The following GRIA4 variants were observed in gnomAD, a reference collection of about 807,000 sequenced individuals.
GRIA4 encodes glutamate receptor 4.
Under a neutral mutation model 104.0 loss-of-function variants are expected in GRIA4, and 34 were observed. The ratio of observed to expected loss-of-function variants is 0.33; its 90% CI spans 0.25 to 0.44. The LOEUF (loss-of-function observed/expected upper bound fraction) is 0.44. GRIA4 is among the 20% of genes least tolerant of loss of function. The pLI is 1.00. For synonymous variants in GRIA4, 386 were observed against 381.9 expected, an observed-to-expected ratio of 1.01 and a Z score of -0.13; for missense variants, 750 against 1,096.5, an observed-to-expected ratio of 0.68 and a Z score of 4.46.
chr11:105,835,269 T>C (rs1473620738), intron 4 of GRIA4, among the ~76,000 whole-genome samples: 1 of 152,054 alleles, frequency 6.6e-6, no homozygotes, highest in Non-Finnish European at 1.5e-5. Context: ...TATGATCAGT[T>C]GCACAAAATT....
chr11:105,621,041 C>A (rs1950731437), intron 3 of GRIA4, among the ~76,000 whole-genome samples: 1 of 151,492 alleles, frequency 6.6e-6, no homozygotes, highest in East Asian at 1.9e-4. Flanking sequence ...TTGATATTGT[C>A]AATAAAAAGT....
At chr11:105,668,677 C>CT (rs11378145) in intron 3 of GRIA4, among the ~76,000 whole-genome samples, 67,284 of 140,026 alleles carry the variant, frequency 0.48, 16,698 homozygotes, top group Admixed American at 0.58. Context: ...TATCTTTTGT[C>CT]TTTTTTTTTT....
At chr11:105,969,122 C>T (rs866361674) in intron 14 of GRIA4, among the ~76,000 whole-genome samples, 7 of 152,256 alleles carry the variant, frequency 4.6e-5, no homozygotes, top group African/African-American at 1.4e-4. Flanking sequence ...TATATTTGGT[C>T]GTGCACTTCC....
intron 4 of GRIA4, among the ~76,000 whole-genome samples, chr11:105,820,629 T>C (rs1259041570): frequency 6.6e-6 from 1 of 152,134 alleles, no homozygotes; most frequent in Non-Finnish European, 1.5e-5. Context: ...TCCATCTATG[T>C]TGTCAGAATT....
intron 4 of GRIA4, among the ~76,000 whole-genome samples, chr11:105,805,291 C>T (rs1037483620): frequency 4.0e-5 from 6 of 150,990 alleles, no homozygotes; most frequent in Admixed American, 1.3e-4. Flanking sequence ...AAGATTGATT[C>T]GGCAATAGAA....
At chr11:105,764,902 A>G (rs961121611) in intron 4 of GRIA4, among the ~76,000 whole-genome samples, 47 of 152,168 alleles carry the variant, frequency 3.1e-4, no homozygotes, top group African/African-American at 1.1e-3. Flanking sequence ...ACATGGGAAC[A>G]AGGTAGATTT....
chr11:105,828,087 T>C (rs1943841854), intron 4 of GRIA4, among the ~76,000 whole-genome samples: 1 of 152,004 alleles, frequency 6.6e-6, no homozygotes, highest in South Asian at 2.1e-4. Flanking sequence ...GTCCACAAGA[T>C]CTTATTCCAA....
chr11:105,691,332 T>C (rs1953076229), intron 3 of GRIA4, among the ~76,000 whole-genome samples: 1 of 152,044 alleles, frequency 6.6e-6, no homozygotes. Context: ...TTTTTAAATA[T>C]AGGAAACAAA....
chr11:105,864,728 G>A (rs1002390663), intron 5 of GRIA4, among the ~76,000 whole-genome samples: 1 of 152,046 alleles, frequency 6.6e-6, no homozygotes, highest in South Asian at 2.1e-4. Flanking sequence ...AAATTAGCCG[G>A]GTGTGGTGGC....
Position 105,610,898 on chromosome 11 carries a change from TTAA to T in GRIA4, c.-90-8_-90-6del. On this transcript the variant is annotated splice_polypyrimidine_tract_variant and splice_region_variant and intron_variant, in intron 1 of 16. Transcript: ENST00000282499. Reference sequence around the variant, plus strand: ...TTTTTTTTTTTTTTTTTGGTTGATTTTAATTTTAGCGCCATCGTCTTCAATGCT... The same window carrying T: ...TTTTTTTTTTTTTTTTTGGTTGATTTTTTTAGCGCCATCGTCTTCAATGCT... 3 of 464,848 alleles carry T rather than the reference TTAA, an allele frequency of 6.5e-6. No homozygotes were observed. Among genetic ancestry groups the T allele is most frequent in the South Asian group, 5.6e-5 (1 of 17,998 alleles). The allele number at this position is 464,848 out of a possible 1,614,324, so 28.8% of individuals were successfully genotyped here. A position where few individuals can be genotyped will look rare whatever the true frequency, so the allele number is the denominator to read the frequency against.
intron 6 of GRIA4, among the ~76,000 whole-genome samples, chr11:105,895,029 G>C (rs1308388755): frequency 9.6e-6 from 1 of 103,770 alleles, no homozygotes; most frequent in African/African-American, 3.5e-5. Flanking sequence ...TCGATCTCCT[G>C]ACCTCATGAT....
At chr11:105,824,495 A>C (rs2135912543) in intron 4 of GRIA4, 1 of 152,206 alleles carries the variant, frequency 6.6e-6, no homozygotes, top group South Asian at 2.1e-4. Flanking sequence ...ATAGCGTTGC[A>C]TCACAATATT....
intron 3 of GRIA4, among the ~76,000 whole-genome samples, chr11:105,644,256 G>T (rs1437763942): frequency 2.0e-5 from 3 of 152,204 alleles, no homozygotes; most frequent in Admixed American, 2.0e-4. Context: ...CTGTCCCAAA[G>T]CCACATCAAG....
intron 3 of GRIA4, among the ~76,000 whole-genome samples, chr11:105,741,871 C>T (rs985742966): frequency 3.3e-5 from 5 of 151,914 alleles, no homozygotes; most frequent in South Asian, 2.1e-4. Flanking sequence ...GAGGACAAAA[C>T]GGGGAGAAGC....
intron 3 of GRIA4, among the ~76,000 whole-genome samples, chr11:105,626,174 G>A (rs1176318230): frequency 1.3e-5 from 2 of 151,826 alleles, no homozygotes; most frequent in Admixed American, 1.3e-4. Context: ...CACTACACTG[G>A]TACATTTTTT....
intron 10 of GRIA4, among the ~76,000 whole-genome samples, chr11:105,915,323 C>T (rs751158515): frequency 6.6e-6 from 1 of 152,116 alleles, no homozygotes; most frequent in African/African-American, 2.4e-5. Flanking sequence ...AAGCTGAAGC[C>T]TTTTCTAGTC....
At chr11:105,964,001 T>A (rs1319468403) in intron 14 of GRIA4, among the ~76,000 whole-genome samples, 6 of 152,172 alleles carry the variant, frequency 3.9e-5, no homozygotes, top group Non-Finnish European at 8.8e-5. Context: ...AATAATTTTC[T>A]CCAAAATAGA....
intron 4 of GRIA4, among the ~76,000 whole-genome samples, chr11:105,776,656 G>A (rs1941463256): frequency 6.6e-6 from 1 of 152,084 alleles, no homozygotes; most frequent in African/African-American, 2.4e-5. Context: ...CCTAGTCCCT[G>A]AGGTCTAGAT....
chr11:105,705,340 T>C (rs1477515837), intron 3 of GRIA4, among the ~76,000 whole-genome samples: 2 of 152,100 alleles, frequency 1.3e-5, no homozygotes, highest in Non-Finnish European at 2.9e-5. Context: ...AGAGGTGAAT[T>C]CCTCTTTAAT....
Sources: gnomAD v4.1 joint callset for allele counts (sites outside exome capture counted in the v4.1 genomes callset) on GRCh38, gnomAD v4.1.1 for gene constraint, MANE v1.5 for transcripts, NCBI Gene and HGNC (gene_info 2026-07-23, HGNC 2026-07-21) for gene names.